Variants in RBFOX1 observed in about 807,000 individuals in gnomAD.
The protein encoded by RBFOX1 is RNA binding fox-1 homolog 1, also known as RNA binding protein fox-1 homolog 1.
In RBFOX1, 8 loss-of-function variants were observed where a neutral mutation model predicts 57.7. The ratio of observed to expected loss-of-function variants is 0.14; its 90% CI spans 0.08 to 0.25. The LOEUF (loss-of-function observed/expected upper bound fraction) is 0.25. Ranked by LOEUF, RBFOX1 falls within the 10% of genes least tolerant of loss-of-function variation. The pLI is 1.00. For missense variants in RBFOX1, 611 were observed against 548.5 expected (o/e 1.11, Z -1.14); for synonymous variants, 326 against 222.4 (o/e 1.47, Z -4.15).
intron 2 of RBFOX1, among the ~76,000 whole-genome samples, chr16:6,469,079 C>T (rs2095115923): frequency 6.6e-6 from 1 of 151,972 alleles, no homozygotes; most frequent in South Asian, 2.1e-4. Context: ...AGTACACAAG[C>T]AACAAGAACT....
intron 1 of RBFOX1, among the ~76,000 whole-genome samples, chr16:6,082,863 C>T (rs768545761): frequency 2.6e-5 from 4 of 152,226 alleles, no homozygotes; most frequent in Middle Eastern, 3.4e-3. Context: ...CCAGATCCCA[C>T]GGGTGTCATA....
intron 1 of RBFOX1, among the ~76,000 whole-genome samples, chr16:5,407,253 C>G (rs1264447531): frequency 6.6e-6 from 1 of 152,154 alleles, no homozygotes; most frequent in Non-Finnish European, 1.5e-5. Context: ...ATGATCCAGT[C>G]CCCTCCCACC....
chr16:6,555,584 C>T (rs2097084430), intron 2 of RBFOX1, among the ~76,000 whole-genome samples: 1 of 152,006 alleles, frequency 6.6e-6, no homozygotes, highest in Non-Finnish European at 1.5e-5. Context: ...CCTGTAGTCC[C>T]AGCTACTCAG....
At chr16:5,888,153 A>G (rs960570692) in intron 4 of RBFOX1, among the ~76,000 whole-genome samples, 7 of 152,214 alleles carry the variant, frequency 4.6e-5, no homozygotes, top group Middle Eastern at 3.4e-3. Flanking sequence ...TTTCTCAGCC[A>G]CTGTGGTGTG....
At chr16:6,942,880 G>T (rs761073120) in intron 3 of RBFOX1, among the ~76,000 whole-genome samples, 1 of 152,176 alleles carries the variant, frequency 6.6e-6, no homozygotes, top group Non-Finnish European at 1.5e-5. Context: ...TGTGATGCTC[G>T]CAGTTTGCAG....
At chr16:7,197,897 G>C (rs555826980) in intron 4 of RBFOX1, among the ~76,000 whole-genome samples, 1 of 151,870 alleles carries the variant, frequency 6.6e-6, no homozygotes, top group African/African-American at 2.4e-5. Context: ...AATGGGGGTT[G>C]CCAAGGGAGC....
chr16:5,244,750 T>G (rs1433941911), intron 1 of RBFOX1, among the ~76,000 whole-genome samples: 1 of 152,242 alleles, frequency 6.6e-6, no homozygotes, highest in African/African-American at 2.4e-5. Context: ...GCATCCCCCT[T>G]TGGCCGAAAG....
intron 2 of RBFOX1, among the ~76,000 whole-genome samples, chr16:6,636,478 G>C (rs1056637643): frequency 6.6e-6 from 1 of 151,854 alleles, no homozygotes; most frequent in Non-Finnish European, 1.5e-5. Flanking sequence ...CTGGATTTTG[G>C]ATTTTTAGAT....
intron 3 of RBFOX1, among the ~76,000 whole-genome samples, chr16:5,701,872 C>T (rs1047989751): frequency 2.6e-5 from 4 of 152,200 alleles, no homozygotes; most frequent in African/African-American, 9.7e-5. Flanking sequence ...TTTGAATGGT[C>T]TTAACTTCGT....
At chr16:5,995,938 A>T (rs1320595334) in intron 4 of RBFOX1, among the ~76,000 whole-genome samples, 1 of 152,172 alleles carries the variant, frequency 6.6e-6, no homozygotes, top group Non-Finnish European at 1.5e-5. Flanking sequence ...AGTCTCCAAG[A>T]TTGATTCGGT....
chr16:6,369,114 A>G (rs534514409), intron 2 of RBFOX1, among the ~76,000 whole-genome samples: 2 of 152,340 alleles, frequency 1.3e-5, no homozygotes, highest in East Asian at 3.9e-4. Flanking sequence ...ATATGTATAT[A>G]TGTTTGTCAG....
chr16:5,723,778 G>T lies in RBFOX1; in HGVS notation c.318+124817G>T, dbSNP rs569398210. ...CTAAGGTTGAGTAGCCAGCCCACAG[G>T]CAGCTATGGAGAAAGCAGTGGAGGT... On this transcript the variant is annotated intron_variant, in intron 3 of 19. Coordinates refer to the RBFOX1 transcript ENST00000641259. 2.6e-5 allele frequency among the ~76,000 whole-genome samples: 4 copies of T among 152,322 alleles called. No individual in the cohort carries two copies. The East Asian group carries it at 7.7e-4, about 29-fold the overall frequency.
intron 2 of RBFOX1, among the ~76,000 whole-genome samples, chr16:6,550,206 C>G (rs191413037): frequency 1.1e-3 from 167 of 152,172 alleles, no homozygotes; most frequent in African/African-American, 3.7e-3. Flanking sequence ...GGGACAGAGT[C>G]TTACTCTGTC....
At chr16:6,948,877 A>G (rs1231529199) in intron 3 of RBFOX1, among the ~76,000 whole-genome samples, 1 of 152,178 alleles carries the variant, frequency 6.6e-6, no homozygotes, top group Non-Finnish European at 1.5e-5. Flanking sequence ...GATTACAGTG[A>G]CCAGAGGGAC....
At chr16:6,655,035 A>G (rs1338272769) in intron 3 of RBFOX1, among the ~76,000 whole-genome samples, 2 of 151,874 alleles carry the variant, frequency 1.3e-5, no homozygotes, top group East Asian at 3.9e-4. Context: ...ATATAATATT[A>G]GGCTTCCCAG....
At chr16:5,495,391 A>G (rs2042969520) in intron 2 of RBFOX1, among the ~76,000 whole-genome samples, 6 of 152,104 alleles carry the variant, frequency 3.9e-5, no homozygotes, top group Admixed American at 3.9e-4. Context: ...ATCTCGGGAG[A>G]ACTTGCTCAC....
At chr16:5,466,697 T>C (rs2068964463) in intron 1 of RBFOX1, among the ~76,000 whole-genome samples, 1 of 152,194 alleles carries the variant, frequency 6.6e-6, no homozygotes, top group South Asian at 2.1e-4. Flanking sequence ...TGACATCATC[T>C]CTTTGCCTCT....
chr16:7,709,245 T>C lies in RBFOX1; in HGVS notation c.1071+114T>C, dbSNP rs1168135872. The stretch of plus-strand genomic sequence containing the variant: ...ACTTCCCGTTAATTGAATTTGTCTC[T>C]TGTGCTAACAGCAGCTAAAATGCCA... On this transcript the variant is annotated intron_variant, in intron 15 of 15. Coordinates refer to ENST00000550418, the MANE Select transcript of RBFOX1 (RefSeq NM_018723.4). 4 of 1,107,498 alleles carry C rather than the reference T, an allele frequency of 3.6e-6. No homozygotes were observed. In the South Asian group the frequency reaches 4.6e-5, roughly 13 times the overall value. The allele number at this position is 1,107,498 out of a possible 1,614,324, so 68.6% of individuals were successfully genotyped here. A position where few individuals can be genotyped will look rare whatever the true frequency, so the allele number is the denominator to read the frequency against.
At chr16:6,696,845 G>T (rs1934304933) in intron 3 of RBFOX1, among the ~76,000 whole-genome samples, 1 of 152,176 alleles carries the variant, frequency 6.6e-6, no homozygotes, top group Admixed American at 6.5e-5. Context: ...TCAAGGTTGT[G>T]CTCTACTGAG....
Sources: gnomAD v4.1 joint callset for allele counts (sites outside exome capture counted in the v4.1 genomes callset) on GRCh38, gnomAD v4.1.1 for gene constraint, MANE v1.5 for transcripts, NCBI Gene and HGNC (gene_info 2026-07-23, HGNC 2026-07-21) for gene names.